The following GPD2 variants were observed in gnomAD, a reference collection of about 807,000 sequenced individuals.
GPD2 encodes the protein glycerol-3-phosphate dehydrogenase 2, also known as glycerol-3-phosphate dehydrogenase, mitochondrial.
A neutral mutation model predicts 82.4 loss-of-function variants in GPD2; 54 were observed. That is an observed-to-expected ratio of 0.66 (90% confidence interval 0.53 to 0.82). The LOEUF (loss-of-function observed/expected upper bound fraction) is 0.82, where lower values mean the gene tolerates loss of function less well. Among genes scored for constraint, GPD2 ranks in the 40% least tolerant of loss-of-function variants. The probability of loss-of-function intolerance (pLI) is 0.00; values close to 1 mark genes in which losing one functional copy is unlikely to be tolerated. For synonymous variants in GPD2, 288 were observed against 306.1 expected, an observed-to-expected ratio of 0.94 and a Z score of 0.62; for missense variants, 748 against 896.2, an observed-to-expected ratio of 0.83 and a Z score of 2.11.
intron 2 of GPD2, among the ~76,000 whole-genome samples, chr2:156,493,786 C>T (rs1684266633): frequency 6.6e-6 from 1 of 152,082 alleles, no homozygotes; most frequent in African/African-American, 2.4e-5. Context: ...GTCTCATGTC[C>T]AAGTCCTACC....
At chr2:156,441,984 T>A (rs889542369) in intron 1 of GPD2, among the ~76,000 whole-genome samples, 1 of 152,218 alleles carries the variant, frequency 6.6e-6, no homozygotes, top group African/African-American at 2.4e-5. Flanking sequence ...ATTACTTATG[T>A]ACTGTATTTT....
At position 156,583,097 on chromosome 2, in the gene GPD2, A is replaced by G; in HGVS notation, c.*179A>G. ...TTGCCAGCTTTATTTGCTGTACTTT[A>G]TTTGTATTTGCCATTCAGTCTAGCT... On this transcript the variant is annotated 3_prime_UTR_variant, in exon 17 of 17. Coordinates refer to ENST00000438166, the MANE Select transcript of GPD2 (RefSeq NM_000408.5). 4 of 672,532 alleles carry G rather than the reference A, an allele frequency of 5.9e-6. No homozygotes were observed. Among genetic ancestry groups the G allele is most frequent in the Non-Finnish European group, 7.9e-6 (3 of 380,162 alleles). 41.7% of individuals were successfully genotyped at this position (672,532 alleles called of 1,614,324 possible). A position where few individuals can be genotyped will look rare whatever the true frequency, so the allele number is the denominator to read the frequency against.
chr2:156,501,160 C>A lies in GPD2; in HGVS notation c.274+4945C>A, dbSNP rs1157890976. On this transcript the variant is annotated intron_variant, in intron 3 of 16. Coordinates refer to ENST00000438166, the MANE Select transcript of GPD2 (RefSeq NM_000408.5). ...CTGATGTATTTGCATTCTTGGTGGG[C>A]CTGTAGAAAATAAAATAAGATCTGA... Among the ~76,000 whole-genome samples, 5 of 150,954 alleles carry A rather than the reference C, an allele frequency of 3.3e-5. No individual in the cohort carries two copies. The Middle Eastern group carries it at 0.01, about 308-fold the overall frequency.
the GPD2 span, among the ~76,000 whole-genome samples, chr2:156,421,430 T>C: frequency 6.6e-6 from 1 of 152,194 alleles, no homozygotes; most frequent in Non-Finnish European, 1.5e-5. Context: ...AGAGGTTGAG[T>C]AGATATTAGA....
chr2:156,445,113 TTAA>T (rs1682324411), intron 1 of GPD2, among the ~76,000 whole-genome samples: 2 of 152,224 alleles, frequency 1.3e-5, no homozygotes, highest in African/African-American at 4.8e-5. Flanking sequence ...CTTTTTCTTA[TTAA>T]TAATAAACAG....
At chr2:156,496,277 G>C (rs1002679857) in intron 3 of GPD2, 62 bp downstream of exon 3, 2 of 1,161,868 alleles carry the variant, frequency 1.7e-6, no homozygotes, top group Admixed American at 1.9e-5. Flanking sequence ...GGATGTGCAG[G>C]TTTGTTACAT....
the GPD2 span, among the ~76,000 whole-genome samples, chr2:156,401,072 T>A: frequency 2.0e-5 from 3 of 152,186 alleles, no homozygotes; most frequent in Non-Finnish European, 4.4e-5. Flanking sequence ...ATGAGTCCAG[T>A]GTTTAAAGGC....
upstream of GPD2, among the ~76,000 whole-genome samples, chr2:156,430,896 CTTAGTAG>C (rs1688309263): frequency 6.6e-6 from 1 of 152,216 alleles, no homozygotes. Flanking sequence ...TTTAAGATGT[CTTAGTAG>C]CAGGTAGCCT....
intron 9 of GPD2, among the ~76,000 whole-genome samples, chr2:156,559,772 C>A (rs997530794): frequency 6.6e-6 from 1 of 152,168 alleles, no homozygotes; most frequent in African/African-American, 2.4e-5. Context: ...TACTCACACA[C>A]ATACACACTC....
intron 5 of GPD2, 23 bp from the exon 6 acceptor site, chr2:156,513,310 T>G: frequency 6.4e-7 from 1 of 1,562,100 alleles, no homozygotes; most frequent in Non-Finnish European, 8.8e-7. Flanking sequence ...TCTGAAGAAC[T>G]TTCCCCCCTA....
At chr2:156,572,170 A>C (rs1687663851) in intron 13 of GPD2, among the ~76,000 whole-genome samples, 1 of 151,554 alleles carries the variant, frequency 6.6e-6, no homozygotes, top group African/African-American at 2.4e-5. Flanking sequence ...CAAAACTACT[A>C]CTCCTATAGA....
At chr2:156,442,667 G>T (rs1014495580) in intron 1 of GPD2, among the ~76,000 whole-genome samples, 5 of 152,018 alleles carry the variant, frequency 3.3e-5, no homozygotes, top group African/African-American at 1.2e-4. Flanking sequence ...AATAAGCTGC[G>T]TCTGGTGGTG....
intron 3 of GPD2, among the ~76,000 whole-genome samples, chr2:156,506,602 A>T (rs1223874590): frequency 6.6e-6 from 1 of 152,012 alleles, no homozygotes; most frequent in Non-Finnish European, 1.5e-5. Flanking sequence ...AAAAAAAAAA[A>T]ATCCATCCTG....
chr2:156,462,634 T>TA (rs1222912625), intron 1 of GPD2, among the ~76,000 whole-genome samples: 2 of 151,968 alleles, frequency 1.3e-5, no homozygotes, highest in Non-Finnish European at 2.9e-5. Flanking sequence ...GAGGCTGGGG[T>TA]AGTTTGTTTC....
chr2:156,541,469 T>C lies in GPD2; in HGVS notation c.662-8139T>C, dbSNP rs185245156. On this transcript the variant is annotated intron_variant, in intron 6 of 16. Transcript: ENST00000438166. Reference sequence around the variant, plus strand: ...CAATTTCTGTTCCCCACAGTAGTACTTAGCTTAGTGCCTGGTGCATAGTGG... The same window carrying C: ...CAATTTCTGTTCCCCACAGTAGTACCTAGCTTAGTGCCTGGTGCATAGTGG... Among the ~76,000 whole-genome samples, 518 of 152,298 alleles carry C rather than the reference T, an allele frequency of 3.4e-3. 6 individuals carry two copies. Among genetic ancestry groups the C allele is most frequent in the Non-Finnish European group, 3.3e-3 (224 of 68,012 alleles).
intron 1 of GPD2, among the ~76,000 whole-genome samples, chr2:156,451,937 G>A (rs1198054988): frequency 2.1e-5 from 3 of 146,250 alleles, no homozygotes; most frequent in South Asian, 2.2e-4. Flanking sequence ...GGGCAGAGGC[G>A]CTCCTCACAT....
At chr2:156,554,708 A>C (rs1686895287) in intron 8 of GPD2, among the ~76,000 whole-genome samples, 1 of 152,216 alleles carries the variant, frequency 6.6e-6, no homozygotes, top group African/African-American at 2.4e-5. Flanking sequence ...AGCAATGATA[A>C]TACACCAAAC....
chr2:156,475,300 G>C (rs1001716670), intron 1 of GPD2, among the ~76,000 whole-genome samples: 1 of 152,086 alleles, frequency 6.6e-6, no homozygotes, highest in African/African-American at 2.4e-5. Flanking sequence ...AAGTCTTAAG[G>C]CATAATACCT....
At position 156,550,688 on chromosome 2, in the gene GPD2, G is replaced by A. The variant is rs767842019; in HGVS notation, c.913G>A (p.Ala305Thr). Residue 305 changes from alanine (A) to threonine (T), a missense_variant, in exon 8 of 17, where the codon GCA becomes ACA. Ala to Thr is a moderately conservative substitution (Grantham distance 58, BLOSUM62 0). Around this residue, in one of 3 missense-constraint regions of GPD2, gnomAD observed 692 missense variants for 809.7 expected, o/e 0.85. Transcript: ENST00000438166. ...TGTGCGCAAAATGGATGATAAAGAC[G>A]CAGCAGCTATCTGCCAGCCAAGTGC... ...DSVRKMDDKD[A>T]AAICQPSAGV... is the part of the protein sequence containing the mutation. The A allele has an allele frequency of 3.4e-5, 55 of 1,613,500 alleles. No individual in the cohort carries two copies. The highest frequency in any genetic ancestry group is 4.2e-5 in the Non-Finnish European group (49 of 1,179,598).
Sources: gnomAD v4.1 joint callset for allele counts (sites outside exome capture counted in the v4.1 genomes callset) on GRCh38, gnomAD v4.1.1 for gene constraint, gnomAD v4.1.1 regional missense constraint, MANE v1.5 for transcripts, NCBI Gene and HGNC (gene_info 2026-07-23, HGNC 2026-07-21) for gene names.